The following DEPTOR variants were observed in gnomAD, a reference collection of about 807,000 sequenced individuals.
DEPTOR encodes DEP domain containing MTOR interacting protein, also known as DEP domain-containing mTOR-interacting protein.
DEPTOR carries 41 observed loss-of-function variants against 41.6 expected under a neutral mutation model. The observed-to-expected ratio is 0.98, with a 90% confidence interval of 0.77 to 1.28. The LOEUF (loss-of-function observed/expected upper bound fraction) is 1.28. Ranked by LOEUF, DEPTOR falls within the 50% of genes most tolerant of loss-of-function variation. DEPTOR has a pLI of 0.00. For synonymous variants in DEPTOR, 195 were observed against 192.3 expected (o/e 1.01, Z -0.12); for missense variants, 514 against 527.9 (o/e 0.97, Z 0.26).
intron 1 of DEPTOR, among the ~76,000 whole-genome samples, chr8:119,899,202 A>G (rs564865767): frequency 6.6e-6 from 1 of 152,212 alleles, no homozygotes; most frequent in East Asian, 1.9e-4. Flanking sequence ...TGTTTTTGTT[A>G]ATGTTATCAG....
intron 8 of DEPTOR, among the ~76,000 whole-genome samples, chr8:120,009,528 G>A (rs968961222): frequency 3.3e-5 from 5 of 152,052 alleles, no homozygotes; most frequent in African/African-American, 4.8e-5. Context: ...CAGGAGAATC[G>A]CTTGAACCCA....
intron 4 of DEPTOR, among the ~76,000 whole-genome samples, chr8:119,996,717 A>C (rs1812265049): frequency 6.6e-6 from 1 of 152,020 alleles, no homozygotes; most frequent in South Asian, 2.1e-4. Context: ...TTTTTTTTGG[A>C]TTTAGAATGC....
intron 1 of DEPTOR, among the ~76,000 whole-genome samples, chr8:119,894,829 A>G (rs1827495942): frequency 6.6e-6 from 1 of 152,336 alleles, no homozygotes; most frequent in South Asian, 2.1e-4. Flanking sequence ...AACAAAGACA[A>G]TACTTATTTA....
intron 1 of DEPTOR, among the ~76,000 whole-genome samples, chr8:119,921,523 A>G (rs1827893354): frequency 6.6e-6 from 1 of 152,202 alleles, no homozygotes; most frequent in South Asian, 2.1e-4. Flanking sequence ...GTCTAAAAAT[A>G]TTGAGTTCTA....
chr8:120,035,084 G>C (rs140739932), intron 8 of DEPTOR, among the ~76,000 whole-genome samples: 5 of 152,200 alleles, frequency 3.3e-5, no homozygotes, highest in Admixed American at 6.5e-5. Flanking sequence ...TTGGGAGGCC[G>C]AGGCAGGCAG....
At chr8:119,896,880 A>G (rs1401927018) in intron 1 of DEPTOR, among the ~76,000 whole-genome samples, 1 of 151,168 alleles carries the variant, frequency 6.6e-6, no homozygotes, top group Non-Finnish European at 1.5e-5. Context: ...AACTACATAT[A>G]TGGAAATGAT....
At chr8:119,932,661 G>A (rs1828060234) in intron 3 of DEPTOR, among the ~76,000 whole-genome samples, 1 of 152,188 alleles carries the variant, frequency 6.6e-6, no homozygotes, top group Non-Finnish European at 1.5e-5. Flanking sequence ...GCCTTCATGA[G>A]CTTGCACTTC....
chr8:119,900,590 T>C (rs1398387431), intron 1 of DEPTOR, among the ~76,000 whole-genome samples: 3 of 151,730 alleles, frequency 2.0e-5, no homozygotes, highest in Non-Finnish European at 4.4e-5. Flanking sequence ...GGTCTCACTA[T>C]GTTGCCCAGG....
At chr8:119,917,318 C>T (rs1324098878) in intron 1 of DEPTOR, among the ~76,000 whole-genome samples, 1 of 152,160 alleles carries the variant, frequency 6.6e-6, no homozygotes. Context: ...CAGAATGAAA[C>T]ATGCTTCCTT....
intron 4 of DEPTOR, among the ~76,000 whole-genome samples, chr8:119,993,248 G>C (rs1016350838): frequency 1.3e-5 from 2 of 152,166 alleles, no homozygotes; most frequent in African/African-American, 4.8e-5. Context: ...GGTGTATAGG[G>C]ATCTGTTTTT....
chr8:119,879,740 G>T (rs143806323), intron 1 of DEPTOR, among the ~76,000 whole-genome samples: 1 of 150,754 alleles, frequency 6.6e-6, no homozygotes, highest in Admixed American at 6.6e-5. Context: ...GGCCGGGCAC[G>T]GGGACTCATG....
At chr8:119,907,551 G>T (rs1055132446) in intron 1 of DEPTOR, among the ~76,000 whole-genome samples, 1 of 152,176 alleles carries the variant, frequency 6.6e-6, no homozygotes, top group African/African-American at 2.4e-5. Context: ...AAGGGCCAGT[G>T]TGGTGGACTT....
At position 120,001,651 on chromosome 8, in the gene DEPTOR, G is replaced by A. The variant is rs1753262326; in HGVS notation, c.731G>A (p.Ser244Asn). Residue 244 changes from serine to asparagine, a missense_variant, in exon 5 of 9, where the codon AGT (serine) becomes AAT (asparagine). Physicochemically the swap from Ser to Asn is conservative, Grantham distance 46. Coordinates refer to ENST00000286234, the MANE Select transcript of DEPTOR (RefSeq NM_022783.4). Reference protein sequence around the residue: ...KSPSSQETHDSPFCLRKQSHD... With the variant: ...KSPSSQETHDNPFCLRKQSHD... ...CCCTCCTCCCAGGAAACTCATGACA[G>A]TCCCTTCTGCCTGAGGAAGCAGAGC... 6.2e-7 allele frequency: 1 copy of A among 1,613,882 alleles called. No individual in the cohort carries two copies. Among genetic ancestry groups the A allele is most frequent in the Admixed American group, 1.7e-5 (1 of 59,978 alleles).
chr8:120,033,213 A>G (rs1489327377), intron 8 of DEPTOR, among the ~76,000 whole-genome samples: 3 of 149,104 alleles, frequency 2.0e-5, no homozygotes, highest in South Asian at 2.1e-4. Flanking sequence ...TCAGCCTTCC[A>G]TGGAGTTGGG....
chr8:120,027,335 G>A (rs1812813704), intron 8 of DEPTOR, among the ~76,000 whole-genome samples: 1 of 151,884 alleles, frequency 6.6e-6, no homozygotes. Context: ...CTGAAATAGA[G>A]GTGAGTAAGT....
Position 119,928,452 on chromosome 8 carries a change from A to G in DEPTOR, c.175A>G (p.Thr59Ala). Residue 59 changes from threonine (T) to alanine (A), a missense_variant, in exon 2 of 9, where the codon ACC becomes GCC. Thr to Ala is a moderately conservative substitution (Grantham distance 58, BLOSUM62 0). Coordinates refer to ENST00000286234, the MANE Select transcript of DEPTOR (RefSeq NM_022783.4). ...VIKDRRHHLK[T>A]YPNCFVAKEL... The stretch of plus-strand genomic sequence containing the variant: ...TAAAGATAGACGTCATCATCTCAAG[A>G]CCTACCCAAACTGTTTTGTCGCAAA... The G allele has an allele frequency of 6.2e-7, 1 of 1,614,182 alleles. No individual in the cohort carries two copies. The highest frequency in any genetic ancestry group is 8.5e-7 in the Non-Finnish European group (1 of 1,180,028).
rs749611924 is a variant in DEPTOR at position 120,003,031 on chromosome 8, G to A, written c.845G>A (p.Ser282Asn). ...IVSAVRRSSMSSCGSSGYFSS... is the reference protein window; with the variant it reads ...IVSAVRRSSMNSCGSSGYFSS... ...TCTGCAGTGAGGAGAAGCAGCATGAGCAGCTGTGGCAGCAGCGGCTACTTC... is the reference window on the plus strand; with the variant it reads ...TCTGCAGTGAGGAGAAGCAGCATGAACAGCTGTGGCAGCAGCGGCTACTTC... Residue 282 changes from serine (S) to asparagine (N), a missense_variant, in exon 6 of 9, where the codon AGC becomes AAC. By Grantham distance (46) the Ser-to-Asn change is conservative (BLOSUM62 1). Transcript: ENST00000286234. 3.1e-6 allele frequency: 5 copies of A among 1,607,958 alleles called. No individual in the cohort carries two copies. In the South Asian group the frequency reaches 3.3e-5, roughly 11 times the overall value.
chr8:119,970,911 A>G lies in DEPTOR; in HGVS notation c.604+5501A>G, dbSNP rs543260382. Among the ~76,000 whole-genome samples, 4 of 152,232 alleles carry G rather than the reference A, an allele frequency of 2.6e-5. No individual in the cohort carries two copies. In the East Asian group the frequency reaches 7.7e-4, roughly 29 times the overall value. ...GGAGCCCTCGGAGGGGCCAAGGGAA[A>G]ACATCCCCTTTGCCATCTGAAGGTT... On this transcript the variant is annotated intron_variant, in intron 4 of 8. Transcript: ENST00000286234.
At position 119,873,822 on chromosome 8, in the gene DEPTOR, G is replaced by A; in HGVS notation, c.-25G>A. On this transcript the variant is annotated 5_prime_UTR_variant, in exon 1 of 9. It adds an upstream start codon to the 5' untranslated region. Transcript: ENST00000286234. ...AAACCCTCGGCGGACAGCGGAGCCA[G>A]TGGTAGCCGCACGGCCCTAAAACCA... 6.2e-7 allele frequency: 1 copy of A among 1,608,758 alleles called. No individual in the cohort carries two copies. The highest frequency in any genetic ancestry group is 8.5e-7 in the Non-Finnish European group (1 of 1,177,536).
Sources: gnomAD v4.1 joint callset for allele counts (sites outside exome capture counted in the v4.1 genomes callset) on GRCh38, gnomAD v4.1.1 for gene constraint, MANE v1.5 for transcripts, NCBI Gene and HGNC (gene_info 2026-07-23, HGNC 2026-07-21) for gene names.